The following OTUD4 variants were observed in gnomAD, a reference collection of about 807,000 sequenced individuals.
OTUD4 encodes OTU domain-containing protein 4.
A neutral mutation model predicts 130.4 loss-of-function variants in OTUD4; 24 were observed. That is an observed-to-expected ratio of 0.18 (90% CI 0.13 to 0.26). The LOEUF is 0.26. OTUD4 is among the 10% of genes least tolerant of loss of function. The probability of loss-of-function intolerance (pLI) is 1.00; values close to 1 mark genes in which losing one functional copy is unlikely to be tolerated. For synonymous variants in OTUD4, 420 were observed against 472.5 expected (o/e 0.89, Z 1.44); for missense variants, 1,031 against 1,329.4 (o/e 0.78, Z 3.49).
chr4:145,145,248 A>G (rs1488592580), intron 14 of OTUD4, among the ~76,000 whole-genome samples: 1 of 152,248 alleles, frequency 6.6e-6, no homozygotes, highest in African/African-American at 2.4e-5. Flanking sequence ...TATTTATATA[A>G]TAACACATGA....
intron 13 of OTUD4, among the ~76,000 whole-genome samples, chr4:145,148,734 T>C (rs1750932716): frequency 6.6e-6 from 1 of 152,204 alleles, no homozygotes; most frequent in Admixed American, 6.5e-5. Flanking sequence ...AATATTGCTT[T>C]TTCTGTCAAA....
intron 17 of OTUD4, 126 bp from the exon 18 acceptor site, chr4:145,142,460 C>A: frequency 2.7e-6 from 2 of 747,458 alleles, no homozygotes; most frequent in Middle Eastern, 2.4e-4. Context: ...TACAAATAGC[C>A]CTTATAGTCT....
At chr4:145,177,260 GTAAAGCT>G (rs1403245194) in intron 1 of OTUD4, among the ~76,000 whole-genome samples, 1 of 152,226 alleles carries the variant, frequency 6.6e-6, no homozygotes, top group African/African-American at 2.4e-5. Context: ...ACATAAGTTA[GTAAAGCT>G]TATTTTCAAT....
rs969388986 is a variant in OTUD4, at chr4:145,135,350, T to C, written c.*2080A>G. 2 of 152,244 alleles carry C rather than the reference T, an allele frequency of 1.3e-5. No homozygotes were observed. Among genetic ancestry groups the C allele is most frequent in the African/African-American group, 4.8e-5 (2 of 41,436 alleles). The allele number at this position is 152,244 out of a possible 1,614,324, so 9.4% of individuals were successfully genotyped here. On this transcript the variant is annotated 3_prime_UTR_variant, in exon 21 of 21. Coordinates refer to ENST00000447906, the MANE Select transcript of OTUD4 (RefSeq NM_001366057.1). ...AGTATTTCCTTCCAATTTTTAAACA[T>C]TTTCAGAAGCTGAGATCAAACCCCA... is the stretch of plus-strand genomic sequence containing the variant.
At chr4:145,166,361 T>C (rs1233994343) in intron 3 of OTUD4, among the ~76,000 whole-genome samples, 1 of 152,096 alleles carries the variant, frequency 6.6e-6, no homozygotes, top group Non-Finnish European at 1.5e-5. Context: ...AAATGGCCAG[T>C]ATGTTTCAAA....
rs1407714574 is a variant in OTUD4 at position 145,141,372 on chromosome 4, A to G, written c.2083+7T>C. On this transcript the variant is annotated splice_region_variant and intron_variant, in intron 19 of 20. Coordinates refer to ENST00000447906, the MANE Select transcript of OTUD4 (RefSeq NM_001366057.1). ...AAAGTCGATTTGAACTTGGAGAAGG[A>G]GCTCACCTTTAGGTAGGTCCTCCCC... is the stretch of plus-strand genomic sequence containing the variant. The G allele has an allele frequency of 2.2e-5, 35 of 1,573,442 alleles. No individual in the cohort carries two copies. The highest frequency in any genetic ancestry group is 2.9e-5 in the Non-Finnish European group (34 of 1,161,130).
At chr4:145,172,976 C>A (rs544415291) in intron 2 of OTUD4, among the ~76,000 whole-genome samples, 196 of 152,296 alleles carry the variant, frequency 1.3e-3, no homozygotes, top group African/African-American at 4.2e-3. Flanking sequence ...AGTAACAAGG[C>A]ATAATACTTT....
intron 3 of OTUD4, among the ~76,000 whole-genome samples, 192 bp downstream of exon 3, chr4:145,171,478 T>C (rs1038542855): frequency 5.3e-5 from 8 of 152,224 alleles, no homozygotes; most frequent in African/African-American, 1.9e-4. Flanking sequence ...TCTGCCTTAG[T>C]GAGGCAACCT....
chr4:145,156,219 T>C (rs1403440079), intron 7 of OTUD4, among the ~76,000 whole-genome samples: 1 of 152,216 alleles, frequency 6.6e-6, no homozygotes, highest in African/African-American at 2.4e-5. Flanking sequence ...TAATTCTAAC[T>C]GGCTCAGTAA....
At position 145,134,139 on chromosome 4, in the gene OTUD4, C is replaced by T. The variant is rs1049760902; in HGVS notation, c.*3291G>A. The T allele has an allele frequency of 1.3e-5, 2 of 152,558 alleles. No individual in the cohort carries two copies. The highest frequency in any genetic ancestry group is 2.4e-5 in the African/African-American group (1 of 41,418). The allele number at this position is 152,558 out of a possible 1,614,324, so 9.5% of individuals were successfully genotyped here. On this transcript the variant is annotated 3_prime_UTR_variant, in exon 21 of 21. Coordinates refer to ENST00000447906, the MANE Select transcript of OTUD4 (RefSeq NM_001366057.1). Reference sequence around the variant, plus strand: ...AGAAAGACCTCTTTTAAAAAATAATCCCAATTAGTGGGAGAGTAAATGGCT... The same window carrying T: ...AGAAAGACCTCTTTTAAAAAATAATTCCAATTAGTGGGAGAGTAAATGGCT...
chr4:145,179,966 G>T lies in OTUD4; in HGVS notation c.8C>A (p.Ala3Asp). The change falls in exon 1 of 21, where the codon GCT (alanine) becomes GAT (aspartate). Residue 3 changes from alanine (A) to aspartate (D), a missense_variant. Transcript: ENST00000447906. The stretch of plus-strand genomic sequence containing the variant: ...CCCGCCGTCGGGGACGCCGACGGCA[G>T]CCTCCATGTTGCTGGTCCTGCTGCA... MEAAVGVPDGGDQ... is the reference protein window; with the variant it reads MEDAVGVPDGGDQ... 1.3e-6 allele frequency: 2 copies of T among 1,518,948 alleles called. No homozygotes were observed. The highest frequency in any genetic ancestry group is 1.8e-6 in the Non-Finnish European group (2 of 1,140,650). The allele number at this position is 1,518,948 out of a possible 1,614,324, so 94.1% of individuals were successfully genotyped here. A position where few individuals can be genotyped will look rare whatever the true frequency, so the allele number is the denominator to read the frequency against.
intron 1 of OTUD4, 42 bp downstream of exon 1, chr4:145,179,773 C>T: frequency 3.3e-6 from 2 of 608,092 alleles, no homozygotes; most frequent in South Asian, 3.1e-5. Flanking sequence ...GCCGGGCCGT[C>T]CCCGCCTCCC....
intron 2 of OTUD4, among the ~76,000 whole-genome samples, chr4:145,172,765 T>C (rs1405792701): frequency 3.3e-5 from 5 of 151,770 alleles, no homozygotes; most frequent in African/African-American, 1.2e-4. Flanking sequence ...ATATTTATAA[T>C]AAAAGAGCCA....
At chr4:145,141,935 T>G (rs1750585565) in intron 18 of OTUD4, among the ~76,000 whole-genome samples, 1 of 152,156 alleles carries the variant, frequency 6.6e-6, no homozygotes, top group Admixed American at 6.5e-5. Flanking sequence ...CAAACCGTGG[T>G]GCTAATTAGT....
In OTUD4 at chr4:145,134,370, C is replaced by T. The variant is rs1457969282; in HGVS notation, c.*3060G>A. On this transcript the variant is annotated 3_prime_UTR_variant, in exon 21 of 21. Coordinates refer to ENST00000447906, the MANE Select transcript of OTUD4 (RefSeq NM_001366057.1). The stretch of plus-strand genomic sequence containing the variant: ...CTTAAGTAAAAGACAAAACATTTAC[C>T]TCATCTAAAAATGAAGGTAAAACGA... 3 of 222,308 alleles carry T rather than the reference C, an allele frequency of 1.3e-5. No homozygotes were observed. The highest frequency in any genetic ancestry group is 2.6e-5 in the Non-Finnish European group (3 of 114,084). 13.8% of individuals were successfully genotyped at this position (222,308 alleles called of 1,614,324 possible). A position where few individuals can be genotyped will look rare whatever the true frequency, so the allele number is the denominator to read the frequency against.
At chr4:145,152,193 C>A (rs1023327866) in intron 11 of OTUD4, among the ~76,000 whole-genome samples, 10 of 152,096 alleles carry the variant, frequency 6.6e-5, no homozygotes, top group African/African-American at 2.4e-4. Flanking sequence ...CTCACTGCAA[C>A]CTCTGCCTCC....
intron 7 of OTUD4, among the ~76,000 whole-genome samples, chr4:145,158,143 A>T (rs932207250): frequency 6.6e-6 from 1 of 152,240 alleles, no homozygotes; most frequent in Non-Finnish European, 1.5e-5. Flanking sequence ...CCAAATTTTC[A>T]ATCAGGATCA....
chr4:145,176,762 T>C (rs925234999), intron 1 of OTUD4, among the ~76,000 whole-genome samples: 1 of 152,068 alleles, frequency 6.6e-6, no homozygotes, highest in African/African-American at 2.4e-5. Flanking sequence ...GAGTAGAGCA[T>C]TTGGGAAAAG....
At chr4:145,175,075 T>A (rs1752354173) in intron 1 of OTUD4, among the ~76,000 whole-genome samples, 1 of 152,234 alleles carries the variant, frequency 6.6e-6, no homozygotes, top group South Asian at 2.1e-4. Context: ...AAAGAAGAGC[T>A]AACAAAATCC....
Sources: gnomAD v4.1 joint callset for allele counts (sites outside exome capture counted in the v4.1 genomes callset) on GRCh38, gnomAD v4.1.1 for gene constraint, MANE v1.5 for transcripts, NCBI Gene and HGNC (gene_info 2026-07-23, HGNC 2026-07-21) for gene names.